Variants in VPS54 observed in about 807,000 individuals in gnomAD.
VPS54 encodes VPS54 subunit of GARP complex, also known as vacuolar protein sorting-associated protein 54.
In VPS54, 45 loss-of-function variants were observed where a neutral mutation model predicts 121.5. The ratio of observed to expected loss-of-function variants is 0.37; its 90% CI spans 0.29 to 0.47. The LOEUF is 0.47. Ranked by LOEUF, VPS54 falls within the 20% of genes least tolerant of loss-of-function variation. The pLI is 0.99. For missense variants in VPS54, 1,090 were observed against 1,131.4 expected (o/e 0.96, Z 0.52); for synonymous variants, 371 against 385.8 (o/e 0.96, Z 0.45).
intron 4 of VPS54, among the ~76,000 whole-genome samples, chr2:63,970,105 A>C (rs1461245426): frequency 2.0e-5 from 3 of 151,368 alleles, no homozygotes; most frequent in Non-Finnish European, 4.4e-5. Flanking sequence ...AGCTTGGTTA[A>C]TCAGTTTACT....
chr2:63,992,016 G>C (rs1677344373), intron 1 of VPS54, among the ~76,000 whole-genome samples: 2 of 152,180 alleles, frequency 1.3e-5, no homozygotes, highest in South Asian at 4.1e-4. Flanking sequence ...GGTGAGCCTG[G>C]TGTTAGGTAG....
chr2:63,996,303 G>A (rs1260636510), intron 1 of VPS54, among the ~76,000 whole-genome samples: 3 of 152,060 alleles, frequency 2.0e-5, no homozygotes, highest in African/African-American at 7.2e-5. Flanking sequence ...AACATTTCAT[G>A]GACATTTATC....
intron 1 of VPS54, among the ~76,000 whole-genome samples, chr2:64,006,412 G>T (rs1296967437): frequency 6.6e-6 from 1 of 152,066 alleles, no homozygotes; most frequent in Non-Finnish European, 1.5e-5. Flanking sequence ...TAAGAGTATT[G>T]GCCATACAAT....
At chr2:63,976,368 A>G (rs1022191416) in intron 3 of VPS54, among the ~76,000 whole-genome samples, 2 of 151,134 alleles carry the variant, frequency 1.3e-5, no homozygotes, top group African/African-American at 4.9e-5. Context: ...AAAAAAACAA[A>G]AAACAAAAAA....
chr2:63,938,861 G>A (rs1303673003), intron 11 of VPS54, among the ~76,000 whole-genome samples: 2 of 152,138 alleles, frequency 1.3e-5, no homozygotes, highest in Non-Finnish European at 1.5e-5. Context: ...TAGTGCAAAT[G>A]AACTTAATGC....
intron 20 of VPS54, among the ~76,000 whole-genome samples, chr2:63,900,975 T>C (rs550802586): frequency 3.9e-5 from 6 of 152,306 alleles, no homozygotes; most frequent in Non-Finnish European, 7.3e-5. Flanking sequence ...TTGGCCAGGA[T>C]GGTCTTGATC....
chr2:63,989,813 G>T (rs998863600), intron 1 of VPS54, among the ~76,000 whole-genome samples: 21 of 152,158 alleles, frequency 1.4e-4, no homozygotes, highest in African/African-American at 4.8e-4. Flanking sequence ...TCTATTCAGG[G>T]CAGTGGGAAA....
chr2:63,921,838 T>C (rs1673661384), intron 12 of VPS54, among the ~76,000 whole-genome samples: 1 of 152,226 alleles, frequency 6.6e-6, no homozygotes, highest in African/African-American at 2.4e-5. Flanking sequence ...ACTGTAGTAT[T>C]TTCAACACTT....
intron 3 of VPS54, among the ~76,000 whole-genome samples, chr2:63,975,986 T>A (rs1676508551): frequency 6.6e-6 from 1 of 152,218 alleles, no homozygotes; most frequent in South Asian, 2.1e-4. Context: ...TCAAGCATCC[T>A]GCCGAAGTGC....
chr2:63,993,329 G>T (rs767510123), intron 1 of VPS54, among the ~76,000 whole-genome samples: 1 of 152,114 alleles, frequency 6.6e-6, no homozygotes, highest in South Asian at 2.1e-4. Flanking sequence ...TCCAATCTCC[G>T]CAGTCCCAGG....
chr2:63,904,082 T>C (rs926259872), intron 20 of VPS54, among the ~76,000 whole-genome samples: 1 of 151,974 alleles, frequency 6.6e-6, no homozygotes, highest in African/African-American at 2.4e-5. Context: ...TCAAAAAAAT[T>C]GGAATGGTTA....
chr2:63,941,832 G>A (rs1159893675), intron 11 of VPS54, among the ~76,000 whole-genome samples: 2 of 151,874 alleles, frequency 1.3e-5, no homozygotes, highest in Non-Finnish European at 2.9e-5. Context: ...TCAGGAGTTC[G>A]AGACCAGCCT....
Position 63,972,201 on chromosome 2 carries a change from TTAG to T in VPS54, c.419_421del (p.Pro140_Lys141delinsGln). Reference sequence around the variant, plus strand: ...TAAAAGAGTCCTTTCGAAGGTATCTTTAGGAGGACAAATATTCTTGCATCTCTC... The same window carrying T: ...TAAAAGAGTCCTTTCGAAGGTATCTTGAGGACAAATATTCTTGCATCTCTC... On this transcript the variant is annotated inframe_deletion, in exon 4 of 23. Coordinates refer to ENST00000272322, the MANE Select transcript of VPS54 (RefSeq NM_016516.3). 1 of 1,595,846 alleles carries T rather than the reference TTAG, an allele frequency of 6.3e-7. No homozygotes were observed. The highest frequency in any genetic ancestry group is 1.3e-5 in the African/African-American group (1 of 74,870).
chr2:63,971,784 A>T (rs1456447501), intron 4 of VPS54, among the ~76,000 whole-genome samples: 1 of 152,154 alleles, frequency 6.6e-6, no homozygotes, highest in African/African-American at 2.4e-5. Flanking sequence ...CTTTTTACTT[A>T]TCTATAGATT....
chr2:63,947,873 G>T (rs1675056298), intron 8 of VPS54, among the ~76,000 whole-genome samples: 1 of 152,084 alleles, frequency 6.6e-6, no homozygotes, highest in Admixed American at 6.6e-5. Context: ...GTTCCACTCT[G>T]TTGCCAAGGC....
At chr2:64,010,964 T>G (rs1243735080) in intron 1 of VPS54, among the ~76,000 whole-genome samples, 3 of 152,206 alleles carry the variant, frequency 2.0e-5, no homozygotes, top group African/African-American at 7.2e-5. Flanking sequence ...TGAAACCCTG[T>G]GCTTTGCAGG....
At chr2:64,000,580 T>C (rs1034537148) in intron 1 of VPS54, among the ~76,000 whole-genome samples, 1 of 152,242 alleles carries the variant, frequency 6.6e-6, no homozygotes, top group African/African-American at 2.4e-5. Flanking sequence ...ATTTAAGCTG[T>C]ATCTGCTTTA....
chr2:63,954,414 C>G (rs1675396931), intron 7 of VPS54, among the ~76,000 whole-genome samples: 2 of 152,014 alleles, frequency 1.3e-5, no homozygotes, highest in Non-Finnish European at 2.9e-5. Context: ...TGCTAGATTT[C>G]CAATTCGTTA....
At chr2:63,989,618 G>C (rs1203088668) in intron 1 of VPS54, among the ~76,000 whole-genome samples, 1 of 152,174 alleles carries the variant, frequency 6.6e-6, no homozygotes, top group Non-Finnish European at 1.5e-5. Flanking sequence ...GGTAGGTGCG[G>C]AGAAATGTCA....
Sources: allele counts gnomAD v4.1 joint callset (sites outside exome capture counted in the v4.1 genomes callset), GRCh38; gene constraint gnomAD v4.1.1; transcripts MANE v1.5; gene names NCBI Gene and HGNC (gene_info 2026-07-23, HGNC 2026-07-21).